The following CHEK2 variants were observed in gnomAD, a reference collection of about 807,000 sequenced individuals.
CHEK2 encodes checkpoint kinase 2, also known as serine/threonine-protein kinase Chk2.
In CHEK2, 71 loss-of-function variants were observed where a neutral mutation model predicts 69.1. That is an observed-to-expected ratio of 1.03 (90% confidence interval 0.85 to 1.25). The LOEUF (loss-of-function observed/expected upper bound fraction) is 1.25. Among genes scored for constraint, CHEK2 ranks in the 50% most tolerant of loss-of-function variants. CHEK2 has a pLI of 0.00. For synonymous variants in CHEK2, 189 were observed against 226.9 expected (o/e 0.83, Z 1.50); for missense variants, 664 against 649.6 (o/e 1.02, Z -0.24).
chr22:28,737,047 G>C (rs1004925735), intron 1 of CHEK2, among the ~76,000 whole-genome samples: 2 of 152,078 alleles, frequency 1.3e-5, no homozygotes, highest in South Asian at 4.1e-4. Flanking sequence ...AAGGGAGGGA[G>C]AGGAGGGCAT....
At chr22:28,689,445 T>C in intron 13 of CHEK2, 1 of 501,158 alleles carries the variant, frequency 2.0e-6, no homozygotes, top group South Asian at 1.8e-5. Flanking sequence ...CACATCCACA[T>C]GCCTAAAAGC....
At chr22:28,739,678 G>A (rs1170055972) in intron 1 of CHEK2, among the ~76,000 whole-genome samples, 1 of 151,848 alleles carries the variant, frequency 6.6e-6, no homozygotes, top group East Asian at 1.9e-4. Context: ...GACAGAGTAA[G>A]ACTCTGTCTC....
At chr22:28,709,959 A>G (rs369672660) in intron 7 of CHEK2, 47 bp downstream of exon 7, 66 of 1,107,032 alleles carry the variant, frequency 6.0e-5, no homozygotes, top group Admixed American at 2.1e-4. Context: ...CTCTTCTCAT[A>G]TTTTGAGATA....
chr22:28,702,828 T>G (rs1019485467), intron 8 of CHEK2, among the ~76,000 whole-genome samples: 8 of 152,176 alleles, frequency 5.3e-5, no homozygotes, highest in African/African-American at 1.9e-4. Flanking sequence ...ATTACAGGCG[T>G]AAGCCACTGC....
At position 28,707,252 on chromosome 22, in the gene CHEK2, C is replaced by T. The variant is rs118073820; in HGVS notation, c.846+2754G>A. ...CTGGGAAAGCAGTTCAGGGAATTAA[C>T]GATCTCTGTCACTCTCCAAGTGTGT... On this transcript the variant is annotated intron_variant, in intron 7 of 14. Transcript: ENST00000404276. 3.5e-3 allele frequency among the ~76,000 whole-genome samples: 530 copies of T among 152,320 alleles called. 2 individuals carry two copies. Among genetic ancestry groups the T allele is most frequent in the Middle Eastern group, 6.8e-3 (2 of 294 alleles).
chr22:28,717,776 G>C (rs890392960), intron 5 of CHEK2, among the ~76,000 whole-genome samples: 1 of 152,166 alleles, frequency 6.6e-6, no homozygotes, highest in Non-Finnish European at 1.5e-5. Context: ...CTACCTGGGA[G>C]GCTGAGGCAG....
At chr22:28,718,572 T>C (rs2053660864) in intron 5 of CHEK2, among the ~76,000 whole-genome samples, 1 of 152,068 alleles carries the variant, frequency 6.6e-6, no homozygotes, top group African/African-American at 2.4e-5. Context: ...ATGTGGTGTA[T>C]ATATACACAA....
At chr22:28,699,208 G>C (rs1032775933) in intron 9 of CHEK2, among the ~76,000 whole-genome samples, 1 of 152,006 alleles carries the variant, frequency 6.6e-6, no homozygotes, top group Non-Finnish European at 1.5e-5. Context: ...CCATTATATT[G>C]CCCAGGCTGG....
chr22:28,702,361 C>T (rs898690768), intron 8 of CHEK2, among the ~76,000 whole-genome samples: 1 of 151,340 alleles, frequency 6.6e-6, no homozygotes, highest in Non-Finnish European at 1.5e-5. Flanking sequence ...GCCTCAGCCT[C>T]CCGAGTAGCT....
intron 7 of CHEK2, among the ~76,000 whole-genome samples, chr22:28,709,304 C>T (rs17886169): frequency 6.6e-6 from 1 of 152,110 alleles, no homozygotes; most frequent in African/African-American, 2.4e-5. Context: ...ATTTGGATTA[C>T]TCCAAATAAA....
Position 28,713,194 on chromosome 22 carries a change from A to G in CHEK2, c.684-1177T>C, listed in dbSNP as rs17881370. 2.4e-4 allele frequency among the ~76,000 whole-genome samples: 37 copies of G among 152,342 alleles called. 1 individual carries two copies. In the East Asian group the frequency reaches 6.9e-3, roughly 29 times the overall value. ...ATATTCCATTATATGGAAGTATCACAGTTTATCTATTCACCTTCCGACGGA... is the reference window on the plus strand; with the variant it reads ...ATATTCCATTATATGGAAGTATCACGGTTTATCTATTCACCTTCCGACGGA... On this transcript the variant is annotated intron_variant, in intron 5 of 14. Coordinates refer to ENST00000404276, the MANE Select transcript of CHEK2 (RefSeq NM_007194.4).
chr22:28,697,006 A>G lies in CHEK2; in HGVS notation c.1009-19T>C. The G allele has an allele frequency of 6.6e-7, 1 of 1,522,420 alleles. No individual in the cohort carries two copies. The highest frequency in any genetic ancestry group is 9.1e-7 in the Non-Finnish European group (1 of 1,096,560). 94.3% of individuals were successfully genotyped at this position (1,522,420 alleles called of 1,614,324 possible). A position where few individuals can be genotyped will look rare whatever the true frequency, so the allele number is the denominator to read the frequency against. On this transcript the variant is annotated intron_variant, in intron 9 of 14. Coordinates refer to ENST00000404276, the MANE Select transcript of CHEK2 (RefSeq NM_007194.4). Reference sequence around the variant, plus strand: ...GAAGGTACTACACAGAAAGGCAGGCATGACCCTCAGATTCATGCAGTAGAT... The same window carrying G: ...GAAGGTACTACACAGAAAGGCAGGCGTGACCCTCAGATTCATGCAGTAGAT...
In CHEK2 at chr22:28,725,069, C is replaced by T. The variant is rs144850845; in HGVS notation, c.500G>A (p.Gly167Glu). The T allele has an allele frequency of 2.5e-6, 4 of 1,613,950 alleles. No individual in the cohort carries two copies. The highest frequency in any genetic ancestry group is 3.3e-5 in the Admixed American group (2 of 59,976). Residue 167 changes from glycine to glutamate, a missense_variant, in exon 4 of 15, where the codon GGA (glycine) becomes GAA (glutamate). Gly to Glu is a moderately conservative substitution (Grantham distance 98). Transcript: ENST00000404276. ...IAYIEDHSGNGTFVNTELVGK... is the reference protein window; with the variant it reads ...IAYIEDHSGNETFVNTELVGK... The stretch of plus-strand genomic sequence containing the variant: ...TACAAGCTCTGTATTTACAAAGGTT[C>T]CATTGCCACTGTGATCTTCTATGTA...
intron 13 of CHEK2, among the ~76,000 whole-genome samples, chr22:28,690,793 A>G (rs1376711121): frequency 6.6e-6 from 1 of 150,440 alleles, no homozygotes; most frequent in African/African-American, 2.5e-5. Flanking sequence ...GACCCTGAGG[A>G]AGGAAGAAAG....
At chr22:28,713,837 C>T (rs1344261282) in intron 5 of CHEK2, among the ~76,000 whole-genome samples, 4 of 152,042 alleles carry the variant, frequency 2.6e-5, no homozygotes, top group African/African-American at 9.7e-5. Context: ...TGTGCCACCT[C>T]GCCCAACTAA....
chr22:28,730,280 A>AGAGG (rs1165388858), intron 2 of CHEK2: 1 of 243,942 alleles, frequency 4.1e-6, no homozygotes, highest in Non-Finnish European at 6.8e-6. Context: ...AGGAAAGCGG[A>AGAGG]AGGGAAAGGA....
At chr22:28,726,548 A>G (rs2054018789) in intron 2 of CHEK2, among the ~76,000 whole-genome samples, 1 of 145,794 alleles carries the variant, frequency 6.9e-6, no homozygotes, top group Non-Finnish European at 1.5e-5. Context: ...TAATATAGTA[A>G]TTATATCTAA....
At chr22:28,738,534 T>C (rs2054477946) in intron 1 of CHEK2, among the ~76,000 whole-genome samples, 1 of 152,184 alleles carries the variant, frequency 6.6e-6, no homozygotes, top group Non-Finnish European at 1.5e-5. Context: ...AAGTGACGCA[T>C]GTAATACTCC....
chr22:28,688,135 C>A, intron 14 of CHEK2, 149 bp from the exon 15 acceptor site: 1 of 678,028 alleles, frequency 1.5e-6, no homozygotes, highest in Non-Finnish European at 2.6e-6. Flanking sequence ...TCATTGACAA[C>A]TGAGTCCTCA....
Sources: allele counts gnomAD v4.1 joint callset (sites outside exome capture counted in the v4.1 genomes callset), GRCh38; gene constraint gnomAD v4.1.1; transcripts MANE v1.5; gene names NCBI Gene and HGNC (gene_info 2026-07-23, HGNC 2026-07-21).